The following PCDHGB1 variants were observed in gnomAD, a reference collection of about 807,000 sequenced individuals.
The protein encoded by PCDHGB1 is protocadherin gamma-B1.
A neutral mutation model predicts 56.6 loss-of-function variants in PCDHGB1; 34 were observed. That is an observed-to-expected ratio of 0.60 (90% confidence interval 0.46 to 0.80). The LOEUF is 0.80. Ranked by LOEUF, PCDHGB1 falls within the 30% of genes least tolerant of loss-of-function variation. PCDHGB1 has a pLI of 0.00. For missense variants in PCDHGB1, 1,278 were observed against 1,204.6 expected, an observed-to-expected ratio of 1.06 and a Z score of -0.90; for synonymous variants, 561 against 505.9, an observed-to-expected ratio of 1.11 and a Z score of -1.46.
chr5:141,484,940 G>C, intron 1 of PCDHGB1: 1 of 541,138 alleles, frequency 1.8e-6, no homozygotes, highest in Non-Finnish European at 3.3e-6. Flanking sequence ...GACGTTCTCT[G>C]CTCAGCCTAT....
intron 1 of PCDHGB1, chr5:141,400,116 C>G (rs2093964416): frequency 6.2e-7 from 1 of 1,614,086 alleles, no homozygotes; most frequent in African/African-American, 1.3e-5. Context: ...TTGCTGACAG[C>G]TTGCAGGAGG....
intron 1 of PCDHGB1, chr5:141,400,422 TA>T: frequency 6.2e-7 from 1 of 1,614,054 alleles, no homozygotes; most frequent in Non-Finnish European, 8.5e-7. Context: ...TCCTAAAATG[TA>T]GTGAGCAATT....
At position 141,432,834 on chromosome 5, in the gene PCDHGB1, A is replaced by G; in HGVS notation, c.2410-61973A>G. 6.2e-7 allele frequency: 1 copy of G among 1,614,082 alleles called. No homozygotes were observed. The highest frequency in any genetic ancestry group is 8.5e-7 in the Non-Finnish European group (1 of 1,179,978). ...TCTGAAACCTCAGACCTCACTCTGTACCTGGTGGTAGCGGTGGCCGCGGTC... is the reference window on the plus strand; with the variant it reads ...TCTGAAACCTCAGACCTCACTCTGTGCCTGGTGGTAGCGGTGGCCGCGGTC... On this transcript the variant is annotated intron_variant, in intron 1 of 3. Transcript: ENST00000523390. This position sits in a 1 kb window ranked among gnomAD's most constrained non-coding sequence, Gnocchi z 6.0.
Position 141,491,013 on chromosome 5 carries a change from G to C in PCDHGB1, c.2410-3794G>C. ...CTCCTCCTGGCTCCTTGGTCACCAA[G>C]GTGACAGCCGTGGATGCTGATGCAG... On this transcript the variant is annotated intron_variant, in intron 1 of 3. Transcript: ENST00000523390. The surrounding 1 kb of genome is among the most constrained non-coding windows in gnomAD (Gnocchi z 6.9). 6.2e-7 allele frequency: 1 copy of C among 1,614,144 alleles called. No homozygotes were observed. Among genetic ancestry groups the C allele is most frequent in the Non-Finnish European group, 8.5e-7 (1 of 1,180,040 alleles).
At chr5:141,427,192 A>T (rs1191677237) in intron 1 of PCDHGB1, 1 of 456,566 alleles carries the variant, frequency 2.2e-6, no homozygotes. Context: ...AAATCCAAAG[A>T]CTTAATAGAC....
chr5:141,421,817 T>A (rs375019903), intron 1 of PCDHGB1: 34 of 1,613,662 alleles, frequency 2.1e-5, no homozygotes, highest in Non-Finnish European at 2.8e-5. Context: ...GAGCTAGTAC[T>A]GGAGGGAAGC....
At chr5:141,422,777 C>T in intron 1 of PCDHGB1, 1 of 1,613,982 alleles carries the variant, frequency 6.2e-7, no homozygotes, top group Non-Finnish European at 8.5e-7. Context: ...GTTCTCTATG[C>T]CCTACAATCC....
At chr5:141,380,474 C>T (rs1452214567) in intron 1 of PCDHGB1, among the ~76,000 whole-genome samples, 1 of 152,180 alleles carries the variant, frequency 6.6e-6, no homozygotes, top group Non-Finnish European at 1.5e-5. Context: ...GGTCAGGATT[C>T]TTCCCAATAT....
intron 1 of PCDHGB1, chr5:141,389,444 C>T: frequency 6.2e-7 from 1 of 1,610,564 alleles, no homozygotes; most frequent in South Asian, 1.1e-5. Flanking sequence ...CCTTCGACCA[C>T]GAGCAGCTGC....
rs754836894 is a variant in PCDHGB1, at chr5:141,432,969, C to A, written c.2410-61838C>A. 6.2e-7 allele frequency: 1 copy of A among 1,614,148 alleles called. No individual in the cohort carries two copies. Among genetic ancestry groups the A allele is most frequent in the East Asian group, 2.2e-5 (1 of 44,852 alleles). ...GGAGGCGGCTTGACAGGAGCGCCGG[C>A]GTCGCACTTTGTGGGCGTGGACGGG... is the stretch of plus-strand genomic sequence containing the variant. On this transcript the variant is annotated intron_variant, in intron 1 of 3. Coordinates refer to ENST00000523390, the MANE Select transcript of PCDHGB1 (RefSeq NM_018922.3). This position sits in a 1 kb window ranked among gnomAD's most constrained non-coding sequence, Gnocchi z 6.0.
At chr5:141,502,862 CTGTCT>C (rs2099816366) in intron 2 of PCDHGB1, among the ~76,000 whole-genome samples, 2 of 68,560 alleles carry the variant, frequency 2.9e-5, no homozygotes, top group Admixed American at 3.3e-4. Flanking sequence ...CCCTGACTCT[CTGTCT>C]TTTTTTTTTT....
chr5:141,438,733 C>T (rs2098057443), intron 1 of PCDHGB1, among the ~76,000 whole-genome samples: 1 of 149,042 alleles, frequency 6.7e-6, no homozygotes, highest in Non-Finnish European at 1.5e-5. Context: ...GTGATCTCAG[C>T]TCACTGCAAC....
intron 1 of PCDHGB1, chr5:141,382,898 C>T (rs938652730): frequency 6.5e-7 from 1 of 1,541,064 alleles, no homozygotes. Context: ...AGCAGGACGA[C>T]TATGGCGGCT....
chr5:141,404,790 A>T, intron 1 of PCDHGB1: 1 of 1,611,288 alleles, frequency 6.2e-7, no homozygotes, highest in East Asian at 2.2e-5. Context: ...AAGGCCAGTG[A>T]GCCAGGGCTC....
intron 1 of PCDHGB1, chr5:141,355,682 A>T: frequency 6.2e-7 from 1 of 1,613,982 alleles, no homozygotes. Context: ...TTTGATCCGG[A>T]TGTAGGTGTA....
intron 3 of PCDHGB1, among the ~76,000 whole-genome samples, 188 bp from the exon 4 acceptor site, chr5:141,510,759 G>A (rs1026623444): frequency 6.6e-5 from 10 of 152,172 alleles, no homozygotes; most frequent in African/African-American, 2.4e-4. Context: ...TCTCACTCCA[G>A]AGCCTCTTAA....
chr5:141,390,855 A>G (rs941626765), intron 1 of PCDHGB1: 5 of 156,986 alleles, frequency 3.2e-5, no homozygotes, highest in African/African-American at 1.0e-4. Context: ...TATGCAGTGT[A>G]CGCTGTGTGT....
intron 1 of PCDHGB1, among the ~76,000 whole-genome samples, chr5:141,483,689 G>A (rs1234666254): frequency 6.6e-6 from 1 of 152,022 alleles, no homozygotes; most frequent in Non-Finnish European, 1.5e-5. Flanking sequence ...CAGAAAGCCA[G>A]ATTCCTCTTT....
At position 141,413,842 on chromosome 5, in the gene PCDHGB1, G is replaced by T. The variant is rs1181086477; in HGVS notation, c.2409+61173G>T. 6.2e-6 allele frequency: 10 copies of T among 1,613,176 alleles called. No homozygotes were observed. In the Admixed American group the frequency reaches 1.7e-4, roughly 27 times the overall value. The stretch of plus-strand genomic sequence containing the variant: ...GGTCCTCACCGCCTCCGACGGGGGT[G>T]ACCCTCTCCGATCTGGCACTGTCCT... On this transcript the variant is annotated intron_variant, in intron 1 of 3. Transcript: ENST00000523390.
Sources: gnomAD v4.1 joint callset for allele counts (sites outside exome capture counted in the v4.1 genomes callset) on GRCh38, gnomAD v4.1.1 for gene constraint, Gnocchi (gnomAD v3.1) non-coding constraint, MANE v1.5 for transcripts, NCBI Gene and HGNC (gene_info 2026-07-23, HGNC 2026-07-21) for gene names.